Variants in RIMS1 observed in about 807,000 individuals in gnomAD.
The protein encoded by RIMS1 is regulating synaptic membrane exocytosis protein 1.
In RIMS1, 83 loss-of-function variants were observed where a neutral mutation model predicts 214.1. The observed-to-expected ratio is 0.39, with a 90% CI of 0.32 to 0.47. The LOEUF (loss-of-function observed/expected upper bound fraction) is 0.47. RIMS1 is among the 20% of genes least tolerant of loss of function. The pLI, the probability that RIMS1 is intolerant of heterozygous loss-of-function variation, is 0.99. For missense variants in RIMS1, 2,050 were observed against 2,161.8 expected (o/e 0.95, Z 1.03); for synonymous variants, 793 against 786.8 (o/e 1.01, Z -0.13).
At chr6:72,213,222 G>C in intron 6 of RIMS1, 1 of 1,534,906 alleles carries the variant, frequency 6.5e-7, no homozygotes, top group Non-Finnish European at 8.7e-7. Flanking sequence ...AGCAGTTGCT[G>C]GTAAGCAATA....
intron 1 of RIMS1, among the ~76,000 whole-genome samples, chr6:71,898,016 T>C (rs1367219252): frequency 6.6e-6 from 1 of 152,162 alleles, no homozygotes; most frequent in Non-Finnish European, 1.5e-5. Context: ...CCAGAACTTA[T>C]GAGGAAAATA....
chr6:72,006,611 G>A (rs778969796), intron 2 of RIMS1, among the ~76,000 whole-genome samples: 13 of 152,152 alleles, frequency 8.5e-5, no homozygotes, highest in Non-Finnish European at 1.6e-4. Context: ...CTGGAAAATC[G>A]GGTCACTCCC....
At chr6:71,938,092 G>T (rs1784984766) in intron 1 of RIMS1, among the ~76,000 whole-genome samples, 1 of 152,136 alleles carries the variant, frequency 6.6e-6, no homozygotes, top group South Asian at 2.1e-4. Flanking sequence ...GGAGATACAG[G>T]CAAGAATAAA....
intron 9 of RIMS1, 42 bp downstream of exon 9, chr6:72,237,964 T>A: frequency 7.3e-7 from 1 of 1,360,868 alleles, no homozygotes; most frequent in Non-Finnish European, 1.0e-6. Context: ...GTGTTCTCCA[T>A]GCATGAACAT....
At chr6:72,130,498 T>C (rs2040268949) in intron 4 of RIMS1, among the ~76,000 whole-genome samples, 1 of 152,166 alleles carries the variant, frequency 6.6e-6, no homozygotes. Flanking sequence ...ATTATGAAAG[T>C]AGGTCATAAT....
chr6:72,120,341 C>T (rs1386678027), intron 4 of RIMS1, among the ~76,000 whole-genome samples: 20 of 151,740 alleles, frequency 1.3e-4, no homozygotes, highest in East Asian at 3.9e-4. Flanking sequence ...TTAATGATTG[C>T]CATTCTAACT....
rs144881174 is a variant in RIMS1 at position 71,949,705 on chromosome 6, A to G, written c.165-19278A>G. Among the ~76,000 whole-genome samples the G allele has an allele frequency of 5.1e-4, 78 of 152,352 alleles. No homozygotes were observed. The East Asian group carries it at 0.014, about 27-fold the overall frequency. On this transcript the variant is annotated intron_variant, in intron 1 of 33. Transcript: ENST00000521978. ...GTGGTATTACATACAGTGTTTAATT[A>G]TAAGATCTCCATTTAACAGTCAAGG...
At chr6:72,204,146 A>G (rs1039084663) in intron 6 of RIMS1, among the ~76,000 whole-genome samples, 4 of 152,218 alleles carry the variant, frequency 2.6e-5, no homozygotes, top group Non-Finnish European at 5.9e-5. Context: ...TTGGGAGCAC[A>G]TAAATGAGGG....
chr6:72,336,186 T>C (rs2096837411), intron 29 of RIMS1, among the ~76,000 whole-genome samples: 2 of 151,816 alleles, frequency 1.3e-5, no homozygotes, highest in Admixed American at 1.3e-4. Context: ...TGTCTTTTTC[T>C]CTCTCTTCTC....
At chr6:72,220,741 G>A (rs1018533340) in intron 6 of RIMS1, among the ~76,000 whole-genome samples, 3 of 152,052 alleles carry the variant, frequency 2.0e-5, no homozygotes, top group Non-Finnish European at 4.4e-5. Context: ...AAAAACATTA[G>A]GAATGACTGC....
At chr6:72,325,563 T>A (rs951147442) in intron 28 of RIMS1, among the ~76,000 whole-genome samples, 1 of 151,574 alleles carries the variant, frequency 6.6e-6, no homozygotes, top group African/African-American at 2.4e-5. Flanking sequence ...AAACAAACCT[T>A]AGGAAATGAA....
rs539453952 is a variant in RIMS1, at chr6:72,398,216, G to A, written c.4619-33G>A. On this transcript the variant is annotated intron_variant, in intron 31 of 33. Transcript: ENST00000521978. ...TTTAACTGCACATAACTGCAAAGAAGCTGAAACACATCTTGCTCCTTTCCA... is the reference window on the plus strand; with the variant it reads ...TTTAACTGCACATAACTGCAAAGAAACTGAAACACATCTTGCTCCTTTCCA... The A allele has an allele frequency of 5.8e-6, 8 of 1,385,814 alleles. No individual in the cohort carries two copies. The African/African-American group carries it at 8.5e-5, about 15-fold the overall frequency. 85.8% of individuals were successfully genotyped at this position (1,385,814 alleles called of 1,614,324 possible).
chr6:72,078,789 A>G (rs541919350), intron 2 of RIMS1, among the ~76,000 whole-genome samples: 1 of 152,286 alleles, frequency 6.6e-6, no homozygotes, highest in South Asian at 2.1e-4. Flanking sequence ...GCATAGCACA[A>G]TGAGAACTCA....
chr6:72,311,522 G>A (rs1347108764), intron 27 of RIMS1, among the ~76,000 whole-genome samples: 1 of 152,090 alleles, frequency 6.6e-6, no homozygotes, highest in African/African-American at 2.4e-5. Context: ...AATATTAATA[G>A]CTCAGTTTAG....
chr6:71,997,515 G>A (rs1803822412), intron 2 of RIMS1, among the ~76,000 whole-genome samples: 1 of 152,158 alleles, frequency 6.6e-6, no homozygotes, highest in South Asian at 2.1e-4. Context: ...AAACAATTAA[G>A]CTGAAATGTT....
chr6:72,098,070 T>C (rs2032371941), intron 3 of RIMS1, among the ~76,000 whole-genome samples: 1 of 152,198 alleles, frequency 6.6e-6, no homozygotes, highest in Non-Finnish European at 1.5e-5. Flanking sequence ...GAATTTGTCA[T>C]ATTATCTAAT....
intron 26 of RIMS1, among the ~76,000 whole-genome samples, chr6:72,294,172 C>T (rs2093783938): frequency 1.3e-5 from 2 of 151,488 alleles, no homozygotes; most frequent in South Asian, 4.2e-4. Flanking sequence ...ATGAACAGTC[C>T]ACATGACAGC....
intron 29 of RIMS1, among the ~76,000 whole-genome samples, chr6:72,379,773 A>C (rs552870934): frequency 1.3e-5 from 2 of 152,300 alleles, no homozygotes; most frequent in African/African-American, 4.8e-5. Context: ...TAAAAGGCTC[A>C]GTAGGCTGCC....
At chr6:71,891,341 A>T (rs941442568) in intron 1 of RIMS1, among the ~76,000 whole-genome samples, 2 of 152,254 alleles carry the variant, frequency 1.3e-5, no homozygotes, top group African/African-American at 4.8e-5. Flanking sequence ...GAATTGATTT[A>T]TAAAGAGTAT....
Sources: gnomAD v4.1 joint callset for allele counts (sites outside exome capture counted in the v4.1 genomes callset) on GRCh38, gnomAD v4.1.1 for gene constraint, MANE v1.5 for transcripts, NCBI Gene and HGNC (gene_info 2026-07-23, HGNC 2026-07-21) for gene names.